The following KIF5B variants were observed in gnomAD, a reference collection of about 807,000 sequenced individuals.
KIF5B encodes kinesin-1 heavy chain.
KIF5B carries 49 observed loss-of-function variants against 132.8 expected under a neutral mutation model. The observed-to-expected ratio is 0.37, with a 90% confidence interval of 0.29 to 0.47. KIF5B has a LOEUF of 0.47. Among genes scored for constraint, KIF5B ranks in the 20% least tolerant of loss-of-function variants. The pLI, the probability that KIF5B is intolerant of heterozygous loss-of-function variation, is 1.00. For missense variants in KIF5B, 780 were observed against 1,144.0 expected, an observed-to-expected ratio of 0.68 and a Z score of 4.59; for synonymous variants, 355 against 369.4, an observed-to-expected ratio of 0.96 and a Z score of 0.45.
intron 1 of KIF5B, among the ~76,000 whole-genome samples, chr10:32,054,391 T>C (rs1841728353): frequency 6.6e-6 from 1 of 152,242 alleles, no homozygotes; most frequent in South Asian, 2.1e-4. Flanking sequence ...CGCCTGACAG[T>C]CTTTACACAG....
At chr10:32,029,317 T>C (rs1001456398) in intron 14 of KIF5B, among the ~76,000 whole-genome samples, 1 of 152,242 alleles carries the variant, frequency 6.6e-6, no homozygotes, top group Admixed American at 6.5e-5. Context: ...ACTTGCCAAT[T>C]AGAAATGCTC....
Position 32,038,162 on chromosome 10 carries a change from C to G in KIF5B, c.498+1G>C. 1.3e-6 allele frequency: 2 copies of G among 1,576,470 alleles called. No individual in the cohort carries two copies. The highest frequency in any genetic ancestry group is 2.2e-5 in the East Asian group (1 of 44,630). ...TTTCTAGACAACTGTACTATAAATACCTTTACATAGGGAACTCGGTTTTTG... is the reference window on the plus strand; with the variant it reads ...TTTCTAGACAACTGTACTATAAATAGCTTTACATAGGGAACTCGGTTTTTG... On this transcript the variant is annotated splice_donor_variant, in intron 6 of 25. Coordinates refer to ENST00000302418, the MANE Select transcript of KIF5B (RefSeq NM_004521.3). LOFTEE classifies it high-confidence loss of function.
At chr10:32,036,308 A>G (rs1011996534) in intron 8 of KIF5B, among the ~76,000 whole-genome samples, 3 of 152,366 alleles carry the variant, frequency 2.0e-5, no homozygotes, top group Admixed American at 6.5e-5. Context: ...AAAATTGGCT[A>G]ATGCATAATG....
In KIF5B at chr10:32,009,633, C is replaced by T. The variant is rs973211211; in HGVS notation, c.*1904G>A. 6.6e-6 allele frequency: 1 copy of T among 151,970 alleles called. No homozygotes were observed. Among genetic ancestry groups the T allele is most frequent in the African/African-American group, 2.4e-5 (1 of 41,386 alleles). 9.4% of individuals were successfully genotyped at this position (151,970 alleles called of 1,614,324 possible). A position where few individuals can be genotyped will look rare whatever the true frequency, so the allele number is the denominator to read the frequency against. ...ATACCCATGATACATCTTACAAGAA[C>T]AAAACTAACATATTTGGAAAAAAGA... On this transcript the variant is annotated 3_prime_UTR_variant, in exon 26 of 26. Transcript: ENST00000302418.
chr10:32,018,616 T>TTA, intron 20 of KIF5B, 54 bp from the exon 21 acceptor site: 1 of 1,286,060 alleles, frequency 7.8e-7, no homozygotes, highest in South Asian at 1.3e-5. Flanking sequence ...TATATTGTAC[T>TTA]TAGCATGAGA....
At chr10:32,019,771 G>A (rs1193562431) in intron 20 of KIF5B, 87 bp downstream of exon 20, 1 of 821,582 alleles carries the variant, frequency 1.2e-6, no homozygotes, top group Non-Finnish European at 1.9e-6. Flanking sequence ...AGTAAAATAT[G>A]TATCCACTGG....
chr10:32,018,583 A>G (rs760145476), intron 20 of KIF5B, 21 bp from the exon 21 acceptor site: 2 of 1,535,422 alleles, frequency 1.3e-6, no homozygotes. Flanking sequence ...AAGAACAAAC[A>G]TATATTTTCA....
chr10:32,028,560 C>T lies in KIF5B; in HGVS notation c.1593G>A (p.Ala531=), dbSNP rs534126666. 2.5e-6 allele frequency: 4 copies of T among 1,609,556 alleles called. No homozygotes were observed. The South Asian group carries it at 3.3e-5, about 13-fold the overall frequency. ...GTTTCTGAAGCTCAGCATCTATACTCGCTAAAGTTGCCTAAGAGAACCCAA... is the reference window on the plus strand; with the variant it reads ...GTTTCTGAAGCTCAGCATCTATACTTGCTAAAGTTGCCTAAGAGAACCCAA... ...DELNQKSATL[A]SIDAELQKLK... is the part of the protein sequence containing the mutation. The change falls in exon 15 of 26, where the codon GCG becomes GCA. Residue 531 remains alanine (A), a synonymous_variant. Coordinates refer to ENST00000302418, the MANE Select transcript of KIF5B (RefSeq NM_004521.3).
At chr10:32,024,641 T>C (rs1841311233) in intron 15 of KIF5B, among the ~76,000 whole-genome samples, 1 of 151,680 alleles carries the variant, frequency 6.6e-6, no homozygotes, top group Non-Finnish European at 1.5e-5. Context: ...AGTGGGAGCC[T>C]GTAGTCCCAG....
chr10:32,022,112 G>A (rs1841271573), intron 17 of KIF5B, 28 bp downstream of exon 17: 2 of 1,070,884 alleles, frequency 1.9e-6, no homozygotes, highest in Non-Finnish European at 2.8e-6. Flanking sequence ...GAACACAGAT[G>A]TAACTCATAA....
intron 2 of KIF5B, among the ~76,000 whole-genome samples, chr10:32,046,920 A>G (rs1841616818): frequency 8.9e-6 from 1 of 112,992 alleles, no homozygotes; most frequent in Non-Finnish European, 2.0e-5. Flanking sequence ...ACCAAACACC[A>G]TGGCTTAGCC....
Position 32,018,356 on chromosome 10 carries a change from C to T in KIF5B, c.2399G>A (p.Arg800His), listed in dbSNP as rs775521250. 7.9e-6 allele frequency: 12 copies of T among 1,521,840 alleles called. No homozygotes were observed. The East Asian group carries it at 1.8e-4, about 23-fold the overall frequency. The allele number at this position is 1,521,840 out of a possible 1,614,324, so 94.3% of individuals were successfully genotyped here. ...AGCCAGGTCCTGAACAAAGAGTTTG[C>T]GCAGGTTGTGTAAAGTCTGAAGTTC... ...AKELQTLHNL[R>H]KLFVQDLATR... The change falls in exon 22 of 26, where the codon CGC becomes CAC. Residue 800 changes from arginine (R) to histidine (H), a missense_variant. Physicochemically the swap from Arg to His is conservative, Grantham distance 29. Around this residue, in one of 9 missense-constraint regions of KIF5B, gnomAD observed 471 missense variants for 569.9 expected, o/e 0.83. Coordinates refer to ENST00000302418, the MANE Select transcript of KIF5B (RefSeq NM_004521.3).
intron 3 of KIF5B, 152 bp from the exon 4 acceptor site, chr10:32,039,583 T>G (rs1267776583): frequency 1.8e-6 from 1 of 553,200 alleles, no homozygotes; most frequent in Non-Finnish European, 3.2e-6. Flanking sequence ...CCAATTCAAC[T>G]ATTACACATA....
chr10:32,053,727 C>T (rs1049647384), intron 1 of KIF5B, among the ~76,000 whole-genome samples: 16 of 139,424 alleles, frequency 1.1e-4, no homozygotes, highest in Non-Finnish European at 1.8e-4. Context: ...TCAAAAATAT[C>T]TCAAAAAAAA....
chr10:32,038,851 C>G (rs45615333), intron 4 of KIF5B, 25 bp from the exon 5 acceptor site: 139,969 of 1,384,204 alleles, frequency 0.1, 7,777 homozygotes, highest in Admixed American at 0.14. Flanking sequence ...TAAAAAAACA[C>G]CGATCAACTA....
At chr10:32,055,703 G>A in intron 1 of KIF5B, 145 bp downstream of exon 1, 1 of 1,105,640 alleles carries the variant, frequency 9.0e-7, no homozygotes. Flanking sequence ...TCCCTCCACT[G>A]GGTTATCTGA....
chr10:32,054,343 C>T (rs962084177), intron 1 of KIF5B, among the ~76,000 whole-genome samples: 4 of 152,236 alleles, frequency 2.6e-5, no homozygotes, highest in African/African-American at 9.6e-5. Context: ...ATGTCATTTA[C>T]ACACGAGTTT....
At chr10:32,014,798 G>A (rs1841135343) in intron 25 of KIF5B, among the ~76,000 whole-genome samples, 1 of 152,150 alleles carries the variant, frequency 6.6e-6, no homozygotes, top group Non-Finnish European at 1.5e-5. Context: ...GAACCTTCTG[G>A]AAATAATCTC....
intron 8 of KIF5B, among the ~76,000 whole-genome samples, chr10:32,036,766 G>A (rs1246920554): frequency 6.6e-6 from 1 of 152,160 alleles, no homozygotes; most frequent in Non-Finnish European, 1.5e-5. Flanking sequence ...AAAATGGTCA[G>A]AGGTCCCTAT....
Sources: allele counts gnomAD v4.1 joint callset (sites outside exome capture counted in the v4.1 genomes callset), GRCh38; gene constraint gnomAD v4.1.1; regional missense constraint gnomAD v4.1.1; transcripts MANE v1.5; gene names NCBI Gene and HGNC (gene_info 2026-07-23, HGNC 2026-07-21).